TUSC3: variants seen among roughly 807,000 people sequenced by gnomAD.
The protein encoded by TUSC3 is dolichyl-diphosphooligosaccharide--protein glycosyltransferase subunit TUSC3.
Under a neutral mutation model 44.8 loss-of-function variants are expected in TUSC3, and 45 were observed. The ratio of observed to expected loss-of-function variants is 1.00; its 90% CI spans 0.79 to 1.29. The LOEUF is 1.29. TUSC3 is among the 50% of genes most tolerant of loss of function. TUSC3 has a pLI of 0.00. For synonymous variants in TUSC3, 212 were observed against 152.9 expected, an observed-to-expected ratio of 1.39 and a Z score of -2.85; for missense variants, 519 against 437.9, an observed-to-expected ratio of 1.19 and a Z score of -1.65.
At chr8:15,490,885 G>C (rs1763343042) in intron 2 of TUSC3, among the ~76,000 whole-genome samples, 1 of 152,062 alleles carries the variant, frequency 6.6e-6, no homozygotes, top group Non-Finnish European at 1.5e-5. Flanking sequence ...ATTTTTCCAA[G>C]GTTAAGGACA....
intron 10 of TUSC3, among the ~76,000 whole-genome samples, chr8:15,760,731 A>G (rs1028369940): frequency 6.6e-6 from 1 of 152,200 alleles, no homozygotes; most frequent in Non-Finnish European, 1.5e-5. Flanking sequence ...TGGTTTCAGC[A>G]AAGACCCATG....
intron 6 of TUSC3, among the ~76,000 whole-genome samples, chr8:15,694,623 T>G (rs1809076609): frequency 6.6e-6 from 1 of 152,036 alleles, no homozygotes; most frequent in African/African-American, 2.4e-5. Context: ...TTTATCCGCT[T>G]TGATATCCTT....
intron 6 of TUSC3, among the ~76,000 whole-genome samples, chr8:15,687,777 A>G (rs1808702572): frequency 1.3e-5 from 2 of 152,226 alleles, no homozygotes; most frequent in South Asian, 4.1e-4. Context: ...TACTGCATAG[A>G]TAAATAAATC....
chr8:15,469,077 AT>A (rs1300937197), intron 1 of TUSC3, among the ~76,000 whole-genome samples: 1 of 152,176 alleles, frequency 6.6e-6, no homozygotes. Context: ...TGGTAATAAA[AT>A]TCCCTGGAGA....
intron 2 of TUSC3, among the ~76,000 whole-genome samples, chr8:15,528,263 C>G (rs1260224289): frequency 6.6e-6 from 1 of 151,986 alleles, no homozygotes; most frequent in African/African-American, 2.4e-5. Flanking sequence ...AACATTTGTT[C>G]AGTGAAACAA....
chr8:15,676,560 G>C (rs1231711517), intron 6 of TUSC3, among the ~76,000 whole-genome samples: 1 of 152,140 alleles, frequency 6.6e-6, no homozygotes, highest in African/African-American at 2.4e-5. Context: ...CCAGTGTCCA[G>C]AATGGTATTT....
At chr8:15,479,030 T>C (rs924331175) in intron 1 of TUSC3, among the ~76,000 whole-genome samples, 3 of 152,172 alleles carry the variant, frequency 2.0e-5, no homozygotes, top group Non-Finnish European at 4.4e-5. Flanking sequence ...CTCTAATAAT[T>C]AGTGATGTTG....
At chr8:15,811,422 T>C in the TUSC3 span, among the ~76,000 whole-genome samples, 1 of 152,102 alleles carries the variant, frequency 6.6e-6, no homozygotes, top group African/African-American at 2.4e-5. Flanking sequence ...GTTTCACAGA[T>C]GTTTAGGGGT....
chr8:15,506,404 G>A (rs570158199), intron 2 of TUSC3, among the ~76,000 whole-genome samples: 19 of 152,084 alleles, frequency 1.2e-4, no homozygotes, highest in African/African-American at 3.9e-4. Context: ...GTGTAAAAAC[G>A]GACCTTCTAA....
At chr8:15,719,770 A>G (rs1200215090) in intron 6 of TUSC3, among the ~76,000 whole-genome samples, 1 of 152,108 alleles carries the variant, frequency 6.6e-6, no homozygotes, top group Non-Finnish European at 1.5e-5. Flanking sequence ...CCCATTTCAC[A>G]TGCCAGGAAA....
chr8:15,848,234 G>C, the TUSC3 span, among the ~76,000 whole-genome samples: 1 of 152,160 alleles, frequency 6.6e-6, no homozygotes, highest in Admixed American at 6.5e-5. Flanking sequence ...CCTTCCCTGT[G>C]TAGGACAGTT....
chr8:15,517,297 C>G (rs956343880), intron 2 of TUSC3, among the ~76,000 whole-genome samples: 6 of 152,038 alleles, frequency 3.9e-5, no homozygotes, highest in Admixed American at 2.0e-4. Flanking sequence ...AAAATGAAAA[C>G]TCAAGTCTCG....
chr8:15,800,164 G>A, the TUSC3 span, among the ~76,000 whole-genome samples: 1 of 152,174 alleles, frequency 6.6e-6, no homozygotes, highest in Non-Finnish European at 1.5e-5. Context: ...AGAACACAGG[G>A]CAATCAGTGC....
chr8:15,780,220 AT>A, the TUSC3 span, among the ~76,000 whole-genome samples: 2 of 152,204 alleles, frequency 1.3e-5, no homozygotes, highest in African/African-American at 4.8e-5. Flanking sequence ...AACTAAGAAT[AT>A]CAACCTTAAA....
At chr8:15,842,208 C>G in the TUSC3 span, among the ~76,000 whole-genome samples, 421 of 152,206 alleles carry the variant, frequency 2.8e-3, 13 homozygotes, top group East Asian at 0.074. Flanking sequence ...AAGCTACATC[C>G]TAAGAGAACG....
At chr8:15,699,542 T>C (rs1410855031) in intron 6 of TUSC3, among the ~76,000 whole-genome samples, 2 of 152,222 alleles carry the variant, frequency 1.3e-5, no homozygotes, top group African/African-American at 2.4e-5. Flanking sequence ...TAAAAAATGC[T>C]GTTTGCTCCA....
intron 1 of TUSC3, among the ~76,000 whole-genome samples, chr8:15,569,949 C>A (rs563727716): frequency 6.6e-6 from 1 of 152,164 alleles, no homozygotes; most frequent in Non-Finnish European, 1.5e-5. Flanking sequence ...GCTTCAGTCA[C>A]TTCATCGCTT....
At chr8:15,710,582 A>AT (rs747465099) in intron 6 of TUSC3, among the ~76,000 whole-genome samples, 2 of 151,692 alleles carry the variant, frequency 1.3e-5, no homozygotes, top group East Asian at 3.9e-4. Flanking sequence ...CTCCACTGTC[A>AT]TTTTTCCAGT....
At chr8:15,571,268 T>G (rs1337372243) in intron 1 of TUSC3, among the ~76,000 whole-genome samples, 1 of 152,102 alleles carries the variant, frequency 6.6e-6, no homozygotes, top group Non-Finnish European at 1.5e-5. Context: ...TTAATTTTTT[T>G]TAATGAAATT....
Sources: gnomAD v4.1 joint callset for allele counts (sites outside exome capture counted in the v4.1 genomes callset) on GRCh38, gnomAD v4.1.1 for gene constraint, MANE v1.5 for transcripts, NCBI Gene and HGNC (gene_info 2026-07-23, HGNC 2026-07-21) for gene names.